The following DDX51 variants were observed in gnomAD, a reference collection of about 807,000 sequenced individuals.
DDX51 encodes DEAD-box helicase 51, also known as ATP-dependent RNA helicase DDX51.
In DDX51, 67 loss-of-function variants were observed where a neutral mutation model predicts 74.6. The ratio of observed to expected loss-of-function variants is 0.90; its 90% CI spans 0.74 to 1.10. The LOEUF (loss-of-function observed/expected upper bound fraction) is 1.10. DDX51 is among the 50% of genes least tolerant of loss of function. The probability of loss-of-function intolerance (pLI) is 0.00; values close to 1 mark genes in which losing one functional copy is unlikely to be tolerated. For synonymous variants in DDX51, 545 were observed against 402.9 expected (o/e 1.35, Z -4.22); for missense variants, 1,056 against 905.2 (o/e 1.17, Z -2.14).
rs573043189 is a variant in DDX51 at position 132,141,690 on chromosome 12, G to A, written c.996-84C>T. The A allele has an allele frequency of 4.9e-5, 73 of 1,491,852 alleles. 1 individual carries two copies. In the East Asian group the frequency reaches 8.8e-4, roughly 18 times the overall value. 92.4% of individuals were successfully genotyped at this position (1,491,852 alleles called of 1,614,324 possible). ...AGACGCTGCCTCACCCCACAGCCCC[G>A]ACTCCACCCCACATGGGAAGGGGGC... On this transcript the variant is annotated intron_variant, in intron 6 of 14. Transcript: ENST00000397333.
chr12:132,138,323 CT>C lies in DDX51; in HGVS notation c.*948del, dbSNP rs1277789295. On this transcript the variant is annotated 3_prime_UTR_variant, in exon 15 of 15. Coordinates refer to ENST00000397333, the MANE Select transcript of DDX51 (RefSeq NM_175066.4). Reference sequence around the variant, plus strand: ...AGGTTCACAAATCTGGGGAGGAGAGCTTTTTTTTTGACGGAGTCTCACTCTG... The same window carrying C: ...AGGTTCACAAATCTGGGGAGGAGAGCTTTTTTTTGACGGAGTCTCACTCTG... The C allele has an allele frequency of 2.6e-5, 4 of 151,406 alleles. No individual in the cohort carries two copies. The highest frequency in any genetic ancestry group is 1.9e-4 in the East Asian group (1 of 5,168). 9.4% of individuals were successfully genotyped at this position (151,406 alleles called of 1,614,324 possible).
At position 132,141,000 on chromosome 12, in the gene DDX51, G is replaced by T. The variant is rs777637438; in HGVS notation, c.1271C>A (p.Pro424His). Residue 424 changes from proline (P) to histidine (H), a missense_variant, in exon 9 of 15, where the codon CCC becomes CAC. By Grantham distance (77) the Pro-to-His change is moderately conservative (BLOSUM62 -2). Transcript: ENST00000397333. Reference protein sequence around the residue: ...TAASTCCPQMPLQKLLFSATL... With the variant: ...TAASTCCPQMHLQKLLFSATL... ...AGCTGAGAAGAGCAGCTTCTGCAGG[G>T]GCATCTGGGGACAGCAGGTGCTGGA... 1 of 1,598,122 alleles carries T rather than the reference G, an allele frequency of 6.3e-7. No individual in the cohort carries two copies. The highest frequency in any genetic ancestry group is 8.5e-7 in the Non-Finnish European group (1 of 1,174,468).
chr12:132,140,897 G>A lies in DDX51; in HGVS notation c.1374C>T (p.His458=), dbSNP rs777999364. 12 of 1,613,510 alleles carry A rather than the reference G, an allele frequency of 7.4e-6. No homozygotes were observed. The highest frequency in any genetic ancestry group is 1.0e-5 in the Non-Finnish European group (12 of 1,179,962). Residue 458 remains histidine, a synonymous_variant, in exon 9 of 15, where the codon CAC becomes CAT. Transcript: ENST00000397333. The part of the protein sequence containing the change: ...QPRLFSTGLA[H]RGLEDTDGDG... ...CCCCATCTGTATCTTCCAGGCCCCT[G>A]TGTGCTAGCCCTGTGGAGAAAAGCC... is the stretch of plus-strand genomic sequence containing the variant.
chr12:132,141,608 T>C lies in DDX51; in HGVS notation c.996-2A>G. The C allele has an allele frequency of 1.3e-6, 2 of 1,578,446 alleles. No homozygotes were observed. Among genetic ancestry groups the C allele is most frequent in the Non-Finnish European group, 1.7e-6 (2 of 1,164,950 alleles). On this transcript the variant is annotated splice_acceptor_variant, in intron 6 of 14. Coordinates refer to ENST00000397333, the MANE Select transcript of DDX51 (RefSeq NM_175066.4). LOFTEE classifies it high-confidence loss of function. ...GCCAAGCAGCGGTACCCATCAGCTC[T>C]ACAGACCAGAGAGCAGCTCGAGAGA...
Position 132,144,217 on chromosome 12 carries a change from G to C in DDX51, c.80C>G (p.Ala27Gly). 8.3e-7 allele frequency: 1 copy of C among 1,206,200 alleles called. No homozygotes were observed. Among genetic ancestry groups the C allele is most frequent in the Non-Finnish European group, 1.0e-6 (1 of 971,904 alleles). The allele number at this position is 1,206,200 out of a possible 1,614,324, so 74.7% of individuals were successfully genotyped here. Residue 27 changes from alanine to glycine, a missense_variant, in exon 1 of 15, where the codon GCG becomes GGG. By Grantham distance (60) the Ala-to-Gly change is moderately conservative. Transcript: ENST00000397333. ...AAGPEGAEAG[A>G]HGRARALLER... is the part of the protein sequence containing the mutation. ...GAGCAGCGCGCGGGCCCTGCCGTGC[G>C]CCCCGGCCTCCGCGCCCTCCGGCCC...
Position 132,140,195 on chromosome 12 carries a change from T to C in DDX51, c.1678A>G (p.Ile560Val), listed in dbSNP as rs747158794. Residue 560 changes from isoleucine (I) to valine (V), a missense_variant, in exon 12 of 15, where the codon ATC becomes GTC. Physicochemically the swap from Ile to Val is conservative, Grantham distance 29 (BLOSUM62 3). Coordinates refer to ENST00000397333, the MANE Select transcript of DDX51 (RefSeq NM_175066.4). ...CCTCGCGCGGTGGCGTCCGTGCTGATGAGCCTGCCGGGACACGCAGCATTG... is the reference window on the plus strand; with the variant it reads ...CCTCGCGCGGTGGCGTCCGTGCTGACGAGCCTGCCGGGACACGCAGCATTG... The part of the protein sequence containing the change: ...QFEQGKIQLL[I>V]STDATARGID... 4 of 1,612,036 alleles carry C rather than the reference T, an allele frequency of 2.5e-6. No homozygotes were observed. The highest frequency in any genetic ancestry group is 2.2e-5 in the South Asian group (2 of 91,020).
At position 132,140,552 on chromosome 12, in the gene DDX51, A is replaced by G. The variant is rs1323044116; in HGVS notation, c.1557-13T>C. 8 of 1,612,788 alleles carry G rather than the reference A, an allele frequency of 5.0e-6. No homozygotes were observed. The highest frequency in any genetic ancestry group is 1.7e-5 in the Admixed American group (1 of 60,004). On this transcript the variant is annotated splice_polypyrimidine_tract_variant and intron_variant, in intron 10 of 14. Coordinates refer to ENST00000397333, the MANE Select transcript of DDX51 (RefSeq NM_175066.4). ...CAGCAGGAAGAGCCTAGGCAGAGAG[A>G]AGGCTGCGGCCAAGTGATGCTGGGA...
chr12:132,140,014 C>A (rs945345455), intron 12 of DDX51, 84 bp downstream of exon 12: 2 of 1,606,878 alleles, frequency 1.2e-6, no homozygotes, highest in Non-Finnish European at 1.7e-6. Context: ...AACCCCACCC[C>A]ACGCCAGTCA....
Position 132,141,417 on chromosome 12 carries a change from T to A in DDX51, c.1108A>T (p.Ile370Phe), listed in dbSNP as rs930345462. Residue 370 changes from isoleucine to phenylalanine, a missense_variant, in exon 8 of 15, where the codon ATC (isoleucine) becomes TTC (phenylalanine). Physicochemically the swap from Ile to Phe is conservative, Grantham distance 21. Transcript: ENST00000397333. Reference protein sequence around the residue: ...FSLQQLRFLIIDEADRMIDSM... With the variant: ...FSLQQLRFLIFDEADRMIDSM... The stretch of plus-strand genomic sequence containing the variant: ...TCAATCATCCGGTCAGCCTCGTCGA[T>A]AATCTGCAGGAGACAGGGAGCCCGG... 1.9e-6 allele frequency: 3 copies of A among 1,591,968 alleles called. No homozygotes were observed. The African/African-American group carries it at 4.0e-5, about 21-fold the overall frequency.
In DDX51 at chr12:132,142,846, C is replaced by T. The variant is rs767040509; in HGVS notation, c.552G>A (p.Glu184=). ...VQPFLPRWLA[E]PNCVRRNVTE... is the part of the protein sequence containing the mutation. ...TGACATTCCTTCTGACACAGTTAGGCTCAGCCAGCCACCTTGGCAGGAAAG... is the reference window on the plus strand; with the variant it reads ...TGACATTCCTTCTGACACAGTTAGGTTCAGCCAGCCACCTTGGCAGGAAAG... Residue 184 remains glutamate (E), a synonymous_variant, in exon 3 of 15, where the codon GAG becomes GAA. Transcript: ENST00000397333. 12 of 1,612,782 alleles carry T rather than the reference C, an allele frequency of 7.4e-6. No individual in the cohort carries two copies. The highest frequency in any genetic ancestry group is 6.7e-5 in the African/African-American group (5 of 74,936).
At chr12:132,141,636 GA>G in intron 6 of DDX51, 30 bp from the exon 7 acceptor site, 1 of 1,545,744 alleles carries the variant, frequency 6.5e-7, no homozygotes, top group Non-Finnish European at 8.7e-7. Flanking sequence ...TCGAGAGAAG[GA>G]AGCTTTCTCA....
intron 8 of DDX51, 79 bp downstream of exon 8, chr12:132,141,196 T>A (rs1326680744): frequency 6.6e-7 from 1 of 1,514,274 alleles, no homozygotes; most frequent in African/African-American, 1.4e-5. Flanking sequence ...CACCCTTATC[T>A]CTGGGCATTA....
chr12:132,141,052 A>C, intron 8 of DDX51, 32 bp from the exon 9 acceptor site: 7 of 1,563,512 alleles, frequency 4.5e-6, no homozygotes, highest in Non-Finnish European at 6.0e-6. Flanking sequence ...CTGGCACCCT[A>C]CCAGTGGCTG....
chr12:132,139,234 G>A lies in DDX51; in HGVS notation c.*38C>T. 6.2e-7 allele frequency: 1 copy of A among 1,602,104 alleles called. No homozygotes were observed. Among genetic ancestry groups the A allele is most frequent in the South Asian group, 1.1e-5 (1 of 89,694 alleles). On this transcript the variant is annotated 3_prime_UTR_variant, in exon 15 of 15. Transcript: ENST00000397333. ...ACTGCTCTGGAAGGAGGGTCAGGGT[G>A]GTGAGCGTTCAGTCCCTCCGGCCCT...
intron 8 of DDX51, 100 bp from the exon 9 acceptor site, chr12:132,141,120 A>G: frequency 6.7e-7 from 1 of 1,501,052 alleles, no homozygotes. Flanking sequence ...ACTGCCGCAG[A>G]CCAGGAGCAA....
chr12:132,143,817 C>A lies in DDX51; in HGVS notation c.397G>T (p.Gly133Trp). The change falls in exon 2 of 15, where the codon GGG becomes TGG. Residue 133 changes from glycine (G) to tryptophan (W), a missense_variant. Coordinates refer to ENST00000397333, the MANE Select transcript of DDX51 (RefSeq NM_175066.4). Reference protein sequence around the residue: ...PSAGSSEEAPGERSTSASAEA... With the variant: ...PSAGSSEEAPWERSTSASAEA... The stretch of plus-strand genomic sequence containing the variant: ...GCGCTGGCGCTGGTGCTGCGCTCCC[C>A]CGGCGCCTCCTCGCTGCTCCCTGCG... 1 of 1,526,878 alleles carries A rather than the reference C, an allele frequency of 6.5e-7. No homozygotes were observed. Among genetic ancestry groups the A allele is most frequent in the East Asian group, 2.5e-5 (1 of 39,474 alleles). 94.6% of individuals were successfully genotyped at this position (1,526,878 alleles called of 1,614,324 possible). A position where few individuals can be genotyped will look rare whatever the true frequency, so the allele number is the denominator to read the frequency against.
Position 132,140,956 on chromosome 12 carries a change from C to T in DDX51, c.1315G>A (p.Glu439Lys). ...LFSATLTQNP[E>K]KLQQLGLHQP... Reference sequence around the variant, plus strand: ...TGGAGGCCCAGCTGCTGCAGCTTTTCAGGGTTCTGGGTCAGAGTAGCTGAG... The same window carrying T: ...TGGAGGCCCAGCTGCTGCAGCTTTTTAGGGTTCTGGGTCAGAGTAGCTGAG... Residue 439 changes from glutamate to lysine, a missense_variant, in exon 9 of 15, where the codon GAA (glutamate) becomes AAA (lysine). Physicochemically the swap from Glu to Lys is moderately conservative, Grantham distance 56. Transcript: ENST00000397333. 4 of 1,613,174 alleles carry T rather than the reference C, an allele frequency of 2.5e-6. No individual in the cohort carries two copies. Among genetic ancestry groups the T allele is most frequent in the Non-Finnish European group, 3.4e-6 (4 of 1,179,930 alleles).
Position 132,139,128 on chromosome 12 carries a change from G to T in DDX51, c.*144C>A. 1 of 1,280,460 alleles carries T rather than the reference G, an allele frequency of 7.8e-7. No individual in the cohort carries two copies. The highest frequency in any genetic ancestry group is 1.1e-6 in the Non-Finnish European group (1 of 931,668). The allele number at this position is 1,280,460 out of a possible 1,614,324, so 79.3% of individuals were successfully genotyped here. On this transcript the variant is annotated 3_prime_UTR_variant, in exon 15 of 15. Transcript: ENST00000397333. Reference sequence around the variant, plus strand: ...TGAGCTCTGACGCCCGGGCTGCCTGGCGCAGAGACCACGTGCTTGGGGAGG... The same window carrying T: ...TGAGCTCTGACGCCCGGGCTGCCTGTCGCAGAGACCACGTGCTTGGGGAGG...
At chr12:132,143,337 T>C in intron 2 of DDX51, 2 of 449,400 alleles carry the variant, frequency 4.5e-6, no homozygotes, top group South Asian at 2.5e-5. Context: ...GAAATCTCTT[T>C]ACCGAAAACC....
Sources: gnomAD v4.1 joint callset for allele counts on GRCh38, gnomAD v4.1.1 for gene constraint, MANE v1.5 for transcripts, NCBI Gene and HGNC (gene_info 2026-07-23, HGNC 2026-07-21) for gene names.